Variants in RAPGEF6 observed in about 807,000 individuals in gnomAD.
RAPGEF6 encodes the protein Rap guanine nucleotide exchange factor 6.
In RAPGEF6, 56 loss-of-function variants were observed where a neutral mutation model predicts 171.4. That is an observed-to-expected ratio of 0.33 (90% CI 0.26 to 0.41). RAPGEF6 has a LOEUF of 0.41. Among genes scored for constraint, RAPGEF6 ranks in the 10% least tolerant of loss-of-function variants. The probability of loss-of-function intolerance (pLI) is 1.00; values close to 1 mark genes in which losing one functional copy is unlikely to be tolerated. For synonymous variants in RAPGEF6, 692 were observed against 650.1 expected, an observed-to-expected ratio of 1.06 and a Z score of -0.98; for missense variants, 1,674 against 1,921.4, an observed-to-expected ratio of 0.87 and a Z score of 2.41.
chr5:131,611,236 T>C (rs1764916158), intron 1 of RAPGEF6, among the ~76,000 whole-genome samples: 1 of 152,236 alleles, frequency 6.6e-6, no homozygotes, highest in South Asian at 2.1e-4. Context: ...ATAAATTCCT[T>C]GCATGTCTAA....
At chr5:131,613,838 G>A (rs1239648715) in intron 1 of RAPGEF6, among the ~76,000 whole-genome samples, 1 of 151,946 alleles carries the variant, frequency 6.6e-6, no homozygotes. Context: ...CAAAGGCAGG[G>A]GCAAATTATT....
intron 14 of RAPGEF6, among the ~76,000 whole-genome samples, chr5:131,491,343 C>T (rs1226059499): frequency 3.9e-5 from 6 of 152,052 alleles, no homozygotes; most frequent in Non-Finnish European, 8.8e-5. Flanking sequence ...AGTGTAGAAC[C>T]TTTCATAATA....
intron 10 of RAPGEF6, among the ~76,000 whole-genome samples, chr5:131,505,014 AACTGAC>A (rs1296476053): frequency 6.6e-6 from 1 of 152,182 alleles, no homozygotes; most frequent in Non-Finnish European, 1.5e-5. Context: ...CTTCTCTCAA[AACTGAC>A]ACTATGTAAA....
intron 1 of RAPGEF6, among the ~76,000 whole-genome samples, chr5:131,611,375 T>C (rs1275411586): frequency 6.6e-6 from 1 of 152,252 alleles, no homozygotes; most frequent in Non-Finnish European, 1.5e-5. Flanking sequence ...TATTTTTAAA[T>C]AATGTCATGT....
chr5:131,510,281 C>T (rs762813091), intron 8 of RAPGEF6, 33 bp downstream of exon 8: 8 of 1,564,002 alleles, frequency 5.1e-6, no homozygotes, highest in South Asian at 1.2e-5. Context: ...AATTAAGTTA[C>T]AAATTCTTAT....
chr5:131,487,620 C>T (rs1756006772), intron 15 of RAPGEF6, among the ~76,000 whole-genome samples: 1 of 152,128 alleles, frequency 6.6e-6, no homozygotes, highest in South Asian at 2.1e-4. Context: ...ACCCAGAGCG[C>T]TGATTGGTGT....
chr5:131,617,127 A>G (rs898676061), intron 1 of RAPGEF6, among the ~76,000 whole-genome samples: 6 of 152,192 alleles, frequency 3.9e-5, no homozygotes, highest in Non-Finnish European at 8.8e-5. Flanking sequence ...ATCTTCTACA[A>G]ATCATTTGGA....
intron 15 of RAPGEF6, among the ~76,000 whole-genome samples, chr5:131,487,440 T>C (rs1755987806): frequency 6.6e-6 from 1 of 152,158 alleles, no homozygotes; most frequent in Non-Finnish European, 1.5e-5. Flanking sequence ...TGGTCCATTT[T>C]ACAGAGTGCT....
At chr5:131,513,284 T>C (rs977990580) in intron 7 of RAPGEF6, among the ~76,000 whole-genome samples, 88 of 152,202 alleles carry the variant, frequency 5.8e-4, no homozygotes, top group African/African-American at 2.1e-3. Context: ...TAAAGCAGTA[T>C]TTTCTACACA....
intron 1 of RAPGEF6, among the ~76,000 whole-genome samples, chr5:131,605,202 A>G (rs1406009142): frequency 6.6e-6 from 1 of 152,244 alleles, no homozygotes; most frequent in Non-Finnish European, 1.5e-5. Context: ...TGAAAGAGGT[A>G]GAACATCTTT....
intron 6 of RAPGEF6, among the ~76,000 whole-genome samples, chr5:131,535,622 A>C (rs1341786049): frequency 6.6e-6 from 1 of 152,196 alleles, no homozygotes; most frequent in Non-Finnish European, 1.5e-5. Context: ...GGTCTTTTGC[A>C]CTACTATAAA....
intron 25 of RAPGEF6, 103 bp from the exon 26 acceptor site, chr5:131,431,452 C>G (rs1751703360): frequency 7.9e-7 from 1 of 1,270,420 alleles, no homozygotes; most frequent in Non-Finnish European, 1.1e-6. Flanking sequence ...GCACGTACCA[C>G]AAGTGTTCAT....
chr5:131,458,400 C>A (rs1368875619), intron 19 of RAPGEF6, among the ~76,000 whole-genome samples: 1 of 152,178 alleles, frequency 6.6e-6, no homozygotes, highest in African/African-American at 2.4e-5. Context: ...TAGTAAGTTT[C>A]CTAAGGCCTC....
intron 24 of RAPGEF6, chr5:131,436,397 C>A: frequency 6.5e-7 from 1 of 1,528,416 alleles, no homozygotes; most frequent in Admixed American, 2.0e-5. Flanking sequence ...GGGAGAGATG[C>A]AAAAACCCTG....
chr5:131,634,946 G>T lies in RAPGEF6; in HGVS notation c.69+16C>A. 6.2e-7 allele frequency: 1 copy of T among 1,614,084 alleles called. No homozygotes were observed. ...TACTGGACTGTGAGACGCACATAAAGGTCAACCAGCCTCACCTCGGGAGTC... is the reference window on the plus strand; with the variant it reads ...TACTGGACTGTGAGACGCACATAAATGTCAACCAGCCTCACCTCGGGAGTC... On this transcript the variant is annotated intron_variant, in intron 1 of 27. Transcript: ENST00000509018.
At chr5:131,453,027 A>G in intron 21 of RAPGEF6, 27 bp downstream of exon 21, 1 of 1,598,118 alleles carries the variant, frequency 6.3e-7, no homozygotes, top group Non-Finnish European at 8.5e-7. Context: ...TACCACTCTA[A>G]CACTTTTACA....
intron 5 of RAPGEF6, 134 bp from the exon 6 acceptor site, chr5:131,548,324 A>C (rs1008902007): frequency 1.9e-5 from 15 of 781,832 alleles, no homozygotes; most frequent in Admixed American, 5.8e-5. Flanking sequence ...AACAGTCTGT[A>C]TAGCACAACG....
intron 4 of RAPGEF6, among the ~76,000 whole-genome samples, chr5:131,586,584 T>C (rs913789789): frequency 2.0e-5 from 3 of 152,070 alleles, no homozygotes; most frequent in African/African-American, 7.2e-5. Flanking sequence ...TGGGCCAAAA[T>C]TGTGCCACTG....
chr5:131,482,944 C>T (rs1755586695), intron 15 of RAPGEF6, among the ~76,000 whole-genome samples: 1 of 152,096 alleles, frequency 6.6e-6, no homozygotes, highest in Admixed American at 6.5e-5. Flanking sequence ...GAGATGAGGC[C>T]AGTTAATGCT....
Sources: allele counts gnomAD v4.1 joint callset (sites outside exome capture counted in the v4.1 genomes callset), GRCh38; gene constraint gnomAD v4.1.1; transcripts MANE v1.5; gene names NCBI Gene and HGNC (gene_info 2026-07-23, HGNC 2026-07-21).